The following NELL2 variants were observed in gnomAD, a reference collection of about 807,000 sequenced individuals.
NELL2 encodes protein kinase C-binding protein NELL2.
A neutral mutation model predicts 109.6 loss-of-function variants in NELL2; 41 were observed. The ratio of observed to expected loss-of-function variants is 0.37; its 90% CI spans 0.29 to 0.49. NELL2 has a LOEUF of 0.49. Ranked by LOEUF, NELL2 falls within the 20% of genes least tolerant of loss-of-function variation. NELL2 has a pLI of 0.98. For missense variants in NELL2, 900 were observed against 1,008.3 expected (o/e 0.89, Z 1.45); for synonymous variants, 355 against 344.7 (o/e 1.03, Z -0.33).
chr12:44,734,916 T>C (rs1286372056), intron 9 of NELL2, among the ~76,000 whole-genome samples: 1 of 152,094 alleles, frequency 6.6e-6, no homozygotes, highest in Non-Finnish European at 1.5e-5. Flanking sequence ...AAGGATATTC[T>C]TATTAAGCAT....
At chr12:44,789,899 C>T (rs779124935) in intron 3 of NELL2, among the ~76,000 whole-genome samples, 2 of 151,944 alleles carry the variant, frequency 1.3e-5, no homozygotes, top group Admixed American at 6.6e-5. Flanking sequence ...ACAAGGTCTT[C>T]GAATTAACCC....
chr12:44,678,325 A>G (rs934717226), intron 12 of NELL2, among the ~76,000 whole-genome samples: 1 of 152,080 alleles, frequency 6.6e-6, no homozygotes, highest in East Asian at 1.9e-4. Flanking sequence ...ACCAAATGGG[A>G]GCACTCATGC....
chr12:44,902,282 G>A (rs1945669511), intron 1 of NELL2, among the ~76,000 whole-genome samples: 1 of 152,092 alleles, frequency 6.6e-6, no homozygotes, highest in Non-Finnish European at 1.5e-5. Flanking sequence ...CCTAAATCAT[G>A]AGTGAACTCC....
At chr12:44,602,560 C>T (rs1945259675) in intron 15 of NELL2, among the ~76,000 whole-genome samples, 1 of 152,014 alleles carries the variant, frequency 6.6e-6, no homozygotes, top group African/African-American at 2.4e-5. Flanking sequence ...TACAGTTTTT[C>T]TTTTTAATTT....
At chr12:44,662,839 G>A (rs1947794278) in intron 13 of NELL2, among the ~76,000 whole-genome samples, 1 of 152,052 alleles carries the variant, frequency 6.6e-6, no homozygotes, top group Admixed American at 6.6e-5. Flanking sequence ...TTAGCAGGGG[G>A]CTCATTAACA....
intron 7 of NELL2, among the ~76,000 whole-genome samples, chr12:44,776,581 T>G (rs988206924): frequency 5.9e-5 from 9 of 152,162 alleles, no homozygotes; most frequent in Non-Finnish European, 1.2e-4. Context: ...CTATACAAAA[T>G]TACAAGTCTA....
rs114047930 is a variant in NELL2 at position 44,830,002 on chromosome 12, T to C, written c.185-13866A>G. ...AATGTTCTTTCAAAAAACTGGTTAT[T>C]ATTCTAACCACGTATGTGTTACTGT... is the stretch of plus-strand genomic sequence containing the variant. On this transcript the variant is annotated intron_variant, in intron 2 of 19. Transcript: ENST00000429094. Among the ~76,000 whole-genome samples the C allele has an allele frequency of 6.0e-3, 920 of 152,336 alleles. 12 individuals are homozygous for C. The highest frequency in any genetic ancestry group is 0.02 in the African/African-American group (849 of 41,578).
chr12:44,605,389 AG>A (rs1945362818), intron 15 of NELL2, among the ~76,000 whole-genome samples: 1 of 152,200 alleles, frequency 6.6e-6, no homozygotes. Context: ...ACATATAAAC[AG>A]TACAACTAAA....
At position 44,526,663 on chromosome 12, in the gene NELL2, C is replaced by G. The variant is rs183547451; in HGVS notation, c.1805-3179G>C. ...GGCTTTGAAGATTAGAAAGAGAGAT[C>G]AAGAACGATGTATAGATTTCTGGCG... On this transcript the variant is annotated intron_variant, in intron 16 of 19. Coordinates refer to ENST00000429094, the MANE Select transcript of NELL2 (RefSeq NM_001145108.2). 1.7e-4 allele frequency among the ~76,000 whole-genome samples: 26 copies of G among 152,308 alleles called. 1 individual carries two copies. In the East Asian group the frequency reaches 4.6e-3, roughly 27 times the overall value.
Position 44,874,502 on chromosome 12 carries a change from T to C in NELL2, c.184+723A>G, listed in dbSNP as rs573445513. Among the ~76,000 whole-genome samples the C allele has an allele frequency of 1.2e-4, 19 of 152,316 alleles. No individual in the cohort carries two copies. In the East Asian group the frequency reaches 1.4e-3, roughly 11 times the overall value. ...ATTTGCTTCTGACTGCACAACACAT[T>C]TAAATATAATTTGAGATGTAGACAT... On this transcript the variant is annotated intron_variant, in intron 2 of 19. Coordinates refer to ENST00000429094, the MANE Select transcript of NELL2 (RefSeq NM_001145108.2).
chr12:44,604,455 G>A (rs2136242864), intron 15 of NELL2, among the ~76,000 whole-genome samples: 1 of 152,218 alleles, frequency 6.6e-6, no homozygotes, highest in Admixed American at 6.5e-5. Flanking sequence ...CTAATATTCA[G>A]AAAAGTCCAA....
chr12:44,885,096 TG>T lies in NELL2; in HGVS notation c.39-9197del, dbSNP rs1945456040. Among the ~76,000 whole-genome samples the T allele has an allele frequency of 3.3e-5, 5 of 151,898 alleles. No individual in the cohort carries two copies. The South Asian group carries it at 1.0e-3, about 32-fold the overall frequency. ...GAGTTCAAGACTAGCCTGACCAACA[TG>T]GTGAAACCCTGTCTCTAATAAAAAT... is the stretch of plus-strand genomic sequence containing the variant. On this transcript the variant is annotated intron_variant, in intron 1 of 20. Transcript: ENST00000333837.
chr12:44,603,364 T>C (rs913490689), intron 15 of NELL2, among the ~76,000 whole-genome samples: 18 of 152,282 alleles, frequency 1.2e-4, no homozygotes, highest in Non-Finnish European at 2.9e-5. Context: ...TCAAATCTTT[T>C]AGAGTTATGC....
chr12:44,829,092 C>T (rs1198646334), intron 2 of NELL2, among the ~76,000 whole-genome samples: 1 of 152,104 alleles, frequency 6.6e-6, no homozygotes, highest in Non-Finnish European at 1.5e-5. Context: ...GTAGGTAAAC[C>T]AGTCCAAATA....
chr12:44,544,005 G>A (rs1262311231), intron 15 of NELL2, among the ~76,000 whole-genome samples: 1 of 152,130 alleles, frequency 6.6e-6, no homozygotes, highest in East Asian at 1.9e-4. Flanking sequence ...TAAAGCATGA[G>A]ATATTTAAAT....
chr12:44,873,757 A>C (rs901075089), intron 2 of NELL2, among the ~76,000 whole-genome samples: 3 of 147,124 alleles, frequency 2.0e-5, no homozygotes, highest in Admixed American at 6.8e-5. Flanking sequence ...AAAAAAAAAA[A>C]CAGAAGGTTA....
intron 9 of NELL2, among the ~76,000 whole-genome samples, chr12:44,732,928 C>T (rs1301258044): frequency 6.6e-6 from 1 of 151,834 alleles, no homozygotes; most frequent in East Asian, 1.9e-4. Context: ...ATATAAATGG[C>T]CAATAGGTAT....
At chr12:44,758,686 CAATT>C (rs1289062981) in intron 9 of NELL2, among the ~76,000 whole-genome samples, 1 of 152,106 alleles carries the variant, frequency 6.6e-6, no homozygotes, top group African/African-American at 2.4e-5. Flanking sequence ...CAGATTAACT[CAATT>C]CATTCAATAT....
intron 2 of NELL2, among the ~76,000 whole-genome samples, chr12:44,818,481 G>C (rs374297894): frequency 6.6e-6 from 1 of 152,112 alleles, no homozygotes; most frequent in African/African-American, 2.4e-5. Flanking sequence ...GCTCAGATCC[G>C]CAGAGAGGTT....
Sources: allele counts gnomAD v4.1 joint callset (sites outside exome capture counted in the v4.1 genomes callset), GRCh38; gene constraint gnomAD v4.1.1; transcripts MANE v1.5; gene names NCBI Gene and HGNC (gene_info 2026-07-23, HGNC 2026-07-21).